Variants in DLGAP1 observed in about 807,000 individuals in gnomAD.
DLGAP1 encodes the protein DLG associated protein 1, also known as disks large-associated protein 1.
A neutral mutation model predicts 90.8 loss-of-function variants in DLGAP1; 11 were observed. That is an observed-to-expected ratio of 0.12 (90% CI 0.08 to 0.20). The LOEUF is 0.20. Ranked by LOEUF, DLGAP1 falls within the 10% of genes least tolerant of loss-of-function variation. The pLI is 1.00. For synonymous variants in DLGAP1, 558 were observed against 540.7 expected, an observed-to-expected ratio of 1.03 and a Z score of -0.44; for missense variants, 1,050 against 1,333.8, an observed-to-expected ratio of 0.79 and a Z score of 3.31.
intron 10 of DLGAP1, among the ~76,000 whole-genome samples, chr18:3,515,642 G>T (rs1454754375): frequency 6.7e-6 from 1 of 150,216 alleles, no homozygotes; most frequent in Non-Finnish European, 1.5e-5. Flanking sequence ...TAGTCGGCCT[G>T]GTGGCACATC....
At chr18:3,664,176 G>T (rs957073281) in intron 7 of DLGAP1, among the ~76,000 whole-genome samples, 1 of 143,980 alleles carries the variant, frequency 6.9e-6, no homozygotes, top group Non-Finnish European at 1.5e-5. Context: ...ATAATTATGG[G>T]TCAGTATACA....
At chr18:4,422,660 T>C (rs1317744347) in intron 1 of DLGAP1, among the ~76,000 whole-genome samples, 2 of 151,992 alleles carry the variant, frequency 1.3e-5, no homozygotes, top group African/African-American at 4.8e-5. Context: ...TTTGAAATAT[T>C]TATTTCCTAA....
At chr18:3,668,684 T>C (rs1434286614) in intron 7 of DLGAP1, among the ~76,000 whole-genome samples, 6 of 152,076 alleles carry the variant, frequency 3.9e-5, no homozygotes, top group South Asian at 2.1e-4. Flanking sequence ...TGGTGGCAAA[T>C]AGACGCACCA....
chr18:3,759,494 A>G (rs2063862935), intron 5 of DLGAP1, among the ~76,000 whole-genome samples: 1 of 152,216 alleles, frequency 6.6e-6, no homozygotes, highest in South Asian at 2.1e-4. Flanking sequence ...AGCGTGCCAA[A>G]TATGTTTATC....
intron 3 of DLGAP1, among the ~76,000 whole-genome samples, chr18:3,929,657 G>A (rs573802352): frequency 6.6e-5 from 10 of 152,316 alleles, no homozygotes; most frequent in African/African-American, 2.4e-4. Context: ...GGCAGATGAA[G>A]CCCATAAACA....
chr18:4,407,860 CT>C (rs773928079), intron 1 of DLGAP1, among the ~76,000 whole-genome samples: 50 of 78,176 alleles, frequency 6.4e-4, no homozygotes, highest in Non-Finnish European at 9.4e-4. Context: ...GACTCAGTCT[CT>C]AAATAAATAA....
chr18:4,141,958 T>A (rs961643777), intron 2 of DLGAP1, among the ~76,000 whole-genome samples: 2 of 152,120 alleles, frequency 1.3e-5, no homozygotes, highest in African/African-American at 4.8e-5. Context: ...TCTGTATCTC[T>A]AGGATTGGTC....
intron 1 of DLGAP1, among the ~76,000 whole-genome samples, chr18:4,340,475 T>C (rs1485673035): frequency 6.6e-6 from 1 of 152,200 alleles, no homozygotes; most frequent in Non-Finnish European, 1.5e-5. Flanking sequence ...AATGGAAGCA[T>C]GGATAAGGGG....
At chr18:3,870,645 T>TATCTATC (rs2070696633) in intron 4 of DLGAP1, among the ~76,000 whole-genome samples, 5 of 145,726 alleles carry the variant, frequency 3.4e-5, no homozygotes, top group South Asian at 2.2e-4. Context: ...TCTATCTATC[T>TATCTATC]ATCTATCAAA....
chr18:4,197,671 C>T (rs879324847), intron 1 of DLGAP1, among the ~76,000 whole-genome samples: 12 of 152,088 alleles, frequency 7.9e-5, no homozygotes, highest in South Asian at 2.1e-4. Flanking sequence ...AGGTATGGAG[C>T]GGGATGATGG....
intron 1 of DLGAP1, among the ~76,000 whole-genome samples, chr18:4,433,068 G>A (rs2083324447): frequency 1.3e-5 from 2 of 152,180 alleles, no homozygotes; most frequent in South Asian, 4.1e-4. Context: ...GAGCCAGCTG[G>A]AGATTTTTTT....
chr18:3,707,462 TG>T (rs2061469288), intron 7 of DLGAP1, among the ~76,000 whole-genome samples: 1 of 151,884 alleles, frequency 6.6e-6, no homozygotes. Context: ...TAGCCAGATG[TG>T]GTGGTGCGTG....
chr18:4,195,073 G>GA (rs576549809), intron 1 of DLGAP1, among the ~76,000 whole-genome samples: 2 of 151,694 alleles, frequency 1.3e-5, no homozygotes, highest in Admixed American at 6.6e-5. Context: ...ATCATTTGAA[G>GA]AAAAAAAACC....
chr18:4,150,916 T>A (rs1441246824), intron 2 of DLGAP1, among the ~76,000 whole-genome samples: 1 of 152,208 alleles, frequency 6.6e-6, no homozygotes, highest in African/African-American at 2.4e-5. Flanking sequence ...GTGCCCAATA[T>A]GCCGTTCCAG....
At chr18:3,718,992 A>G (rs924467413) in intron 7 of DLGAP1, among the ~76,000 whole-genome samples, 2 of 152,028 alleles carry the variant, frequency 1.3e-5, no homozygotes, top group Non-Finnish European at 2.9e-5. Flanking sequence ...TGGGAAAAAA[A>G]TACAAGCAAA....
At chr18:3,567,023 T>G (rs1004039167) in intron 9 of DLGAP1, among the ~76,000 whole-genome samples, 1 of 151,902 alleles carries the variant, frequency 6.6e-6, no homozygotes, top group African/African-American at 2.4e-5. Context: ...TTCAGGATAA[T>G]GACAGGGAAT....
intron 2 of DLGAP1, among the ~76,000 whole-genome samples, chr18:4,035,994 ACC>A (rs1490465640): frequency 4.6e-4 from 70 of 152,320 alleles, no homozygotes; most frequent in African/African-American, 1.6e-3. Flanking sequence ...GACACTTAGT[ACC>A]GGGAAAACCT....
chr18:4,020,658 G>A (rs1451145126), intron 2 of DLGAP1, among the ~76,000 whole-genome samples: 1 of 152,122 alleles, frequency 6.6e-6, no homozygotes, highest in Admixed American at 6.5e-5. Flanking sequence ...GTTTATTCCT[G>A]GGTGTAGGCC....
chr18:4,379,567 A>G (rs571532503), intron 1 of DLGAP1, among the ~76,000 whole-genome samples: 3 of 152,256 alleles, frequency 2.0e-5, no homozygotes, highest in Admixed American at 6.5e-5. Context: ...TCCTGAATAC[A>G]TCACACAAAA....
Sources: gnomAD v4.1 joint callset for allele counts (sites outside exome capture counted in the v4.1 genomes callset) on GRCh38, gnomAD v4.1.1 for gene constraint, MANE v1.5 for transcripts, NCBI Gene and HGNC (gene_info 2026-07-23, HGNC 2026-07-21) for gene names.